CCND3: variants seen among roughly 807,000 people sequenced by gnomAD.
The protein encoded by CCND3 is G1/S-specific cyclin-D3.
CCND3 carries 9 observed loss-of-function variants against 28.7 expected under a neutral mutation model. The ratio of observed to expected loss-of-function variants is 0.31; its 90% CI spans 0.19 to 0.55. The LOEUF (loss-of-function observed/expected upper bound fraction) is 0.55, where lower values mean the gene tolerates loss of function less well. Among genes scored for constraint, CCND3 ranks in the 20% least tolerant of loss-of-function variants. The pLI is 0.93. For missense variants in CCND3, 315 were observed against 385.8 expected (o/e 0.82, Z 1.54); for synonymous variants, 164 against 163.9 (o/e 1.00, Z 0.00).
At chr6:41,952,594 G>T (rs1776341571) in intron 1 of CCND3, among the ~76,000 whole-genome samples, 1 of 152,184 alleles carries the variant, frequency 6.6e-6, no homozygotes, top group South Asian at 2.1e-4. Flanking sequence ...GATGGACTCT[G>T]ATAGTCAGAA....
chr6:42,015,935 T>A (rs946303503), intron 1 of CCND3, among the ~76,000 whole-genome samples: 17 of 151,558 alleles, frequency 1.1e-4, no homozygotes, highest in African/African-American at 3.4e-4. Flanking sequence ...TTATTTATTT[T>A]TTATTTATTT....
At chr6:41,996,139 T>TA (rs1491589408) in intron 1 of CCND3, among the ~76,000 whole-genome samples, 444 of 17,816 alleles carry the variant, frequency 0.025, 2 homozygotes, top group African/African-American at 0.037. Flanking sequence ...TATATATATA[T>TA]TTTTTTTGTT....
At chr6:41,969,948 T>A (rs1761990602) in intron 1 of CCND3, among the ~76,000 whole-genome samples, 2 of 152,176 alleles carry the variant, frequency 1.3e-5, no homozygotes, top group African/African-American at 2.4e-5. Context: ...GGTGAACGCC[T>A]GTAGTCCCAG....
chr6:42,021,802 G>A (rs144814940), intron 1 of CCND3, among the ~76,000 whole-genome samples: 1 of 152,156 alleles, frequency 6.6e-6, no homozygotes, highest in African/African-American at 2.4e-5. Context: ...GTAAAGGCCT[G>A]GAAAGGTGAG....
At chr6:41,953,400 A>C (rs147529556) in intron 1 of CCND3, among the ~76,000 whole-genome samples, 1 of 152,074 alleles carries the variant, frequency 6.6e-6, no homozygotes, top group African/African-American at 2.4e-5. Context: ...AGCCTGTCAA[A>C]GGGGGATAAC....
intron 1 of CCND3, among the ~76,000 whole-genome samples, chr6:41,991,904 C>T (rs1184347933): frequency 6.6e-6 from 1 of 152,136 alleles, no homozygotes; most frequent in African/African-American, 2.4e-5. Flanking sequence ...GTTTCATCCA[C>T]GGTGACATAA....
Position 41,935,911 on chromosome 6 carries a change from A to C in CCND3, c.*29T>G. Reference sequence around the variant, plus strand: ...GGTGGCAGCGGCCCCTCCTCTGCTTAGTGGCCACTCCAGAGGGCCTCTCCA... The same window carrying C: ...GGTGGCAGCGGCCCCTCCTCTGCTTCGTGGCCACTCCAGAGGGCCTCTCCA... On this transcript the variant is annotated 3_prime_UTR_variant, in exon 5 of 5. Transcript: ENST00000372991. 3 of 1,589,640 alleles carry C rather than the reference A, an allele frequency of 1.9e-6. No homozygotes were observed. The highest frequency in any genetic ancestry group is 2.6e-6 in the Non-Finnish European group (3 of 1,167,580).
chr6:41,965,057 GCTTTTTTTTTTT>G, intron 1 of CCND3, among the ~76,000 whole-genome samples: 1 of 91,068 alleles, frequency 1.1e-5, no homozygotes, highest in South Asian at 4.0e-4. Context: ...ATTTCACGTT[GCTTTTTTTTTTT>G]TTTTTTTTTT....
At chr6:42,003,500 G>T (rs1763075916) in intron 1 of CCND3, among the ~76,000 whole-genome samples, 1 of 115,660 alleles carries the variant, frequency 8.6e-6, no homozygotes, top group Non-Finnish European at 1.6e-5. Flanking sequence ...ACTCCAGCCT[G>T]GGCAACCAGA....
intron 1 of CCND3, among the ~76,000 whole-genome samples, chr6:41,949,826 G>A (rs1776258879): frequency 6.6e-6 from 1 of 151,972 alleles, no homozygotes; most frequent in Non-Finnish European, 1.5e-5. Flanking sequence ...CGGGTGTGGT[G>A]GCTCAAGCCT....
intron 1 of CCND3, among the ~76,000 whole-genome samples, chr6:41,953,829 C>T (rs986179211): frequency 6.6e-6 from 1 of 151,892 alleles, no homozygotes; most frequent in Non-Finnish European, 1.5e-5. Flanking sequence ...ATCAGTGGGG[C>T]ACGGGAGGAA....
chr6:42,010,948 G>A (rs1561985709), intron 1 of CCND3: 1 of 152,104 alleles, frequency 6.6e-6, no homozygotes, highest in Non-Finnish European at 1.5e-5. Context: ...GAAATATTAA[G>A]TTTCCTCTTG....
intron 1 of CCND3, among the ~76,000 whole-genome samples, chr6:41,978,122 C>A (rs774277886): frequency 2.0e-5 from 3 of 151,952 alleles, no homozygotes; most frequent in Admixed American, 6.6e-5. Flanking sequence ...TGCCTGTAAT[C>A]CCAGCACTTT....
rs1489102377 is a variant in CCND3, at chr6:42,031,529, G to A, written c.-46+16972C>T. ...CCCCTGTGAGATGCTATTAAAGTAA[G>A]AAGACTAATTTTCCAAATACTTATG... On this transcript the variant is annotated intron_variant, in intron 1 of 4. Transcript: ENST00000372988. The A allele has an allele frequency of 2.0e-5, 3 of 152,134 alleles. No individual in the cohort carries two copies. The East Asian group carries it at 5.8e-4, about 29-fold the overall frequency. 9.4% of individuals were successfully genotyped at this position (152,134 alleles called of 1,614,324 possible).
chr6:41,962,814 A>G (rs1302982951), intron 1 of CCND3, among the ~76,000 whole-genome samples: 1 of 152,058 alleles, frequency 6.6e-6, no homozygotes, highest in African/African-American at 2.4e-5. Flanking sequence ...GCCATGGCGC[A>G]ATCTTGGCTT....
At chr6:41,945,815 T>C (rs191711491), upstream of CCND3, among the ~76,000 whole-genome samples, 25 of 152,242 alleles carry the variant, frequency 1.6e-4, no homozygotes, top group African/African-American at 5.3e-4. Flanking sequence ...GTTCTGAAAA[T>C]TAAACAAGCA....
chr6:41,992,820 C>G (rs1215167580), intron 1 of CCND3, among the ~76,000 whole-genome samples: 2 of 152,012 alleles, frequency 1.3e-5, no homozygotes, highest in Non-Finnish European at 2.9e-5. Flanking sequence ...TCATGGCTCA[C>G]TGCAATCTCG....
Position 42,048,630 on chromosome 6 carries a change from T to C in CCND3, c.-175A>G, listed in dbSNP as rs746271742. ...AGCCGCGAGGAGAGGATTGCACCTC[T>C]CCCCCCCGGCCGGCATCCGAACAGA... is the stretch of plus-strand genomic sequence containing the variant. On this transcript the variant is annotated 5_prime_UTR_variant, in exon 1 of 5. Transcript: ENST00000372988. This position sits in a 1 kb window ranked among gnomAD's most constrained non-coding sequence, Gnocchi z 4.7. 3 of 514,802 alleles carry C rather than the reference T, an allele frequency of 5.8e-6. No individual in the cohort carries two copies. Among genetic ancestry groups the C allele is most frequent in the Non-Finnish European group, 3.9e-6 (1 of 258,538 alleles). The allele number at this position is 514,802 out of a possible 1,614,324, so 31.9% of individuals were successfully genotyped here.
At chr6:42,009,909 C>G (rs966107954) in intron 1 of CCND3, among the ~76,000 whole-genome samples, 5 of 152,110 alleles carry the variant, frequency 3.3e-5, no homozygotes, top group African/African-American at 9.7e-5. Flanking sequence ...CTTAGAAATG[C>G]AGATTGTTGG....
Sources: allele counts gnomAD v4.1 joint callset (sites outside exome capture counted in the v4.1 genomes callset), GRCh38; gene constraint gnomAD v4.1.1; non-coding constraint Gnocchi (gnomAD v3.1); transcripts MANE v1.5; gene names NCBI Gene and HGNC (gene_info 2026-07-23, HGNC 2026-07-21).